RHOBTB1: variants seen among roughly 807,000 people sequenced by gnomAD.
RHOBTB1 encodes rho-related BTB domain-containing protein 1.
A neutral mutation model predicts 71.6 loss-of-function variants in RHOBTB1; 40 were observed. That is an observed-to-expected ratio of 0.56 (90% CI 0.43 to 0.73). RHOBTB1 has a LOEUF of 0.73. Ranked by LOEUF, RHOBTB1 falls within the 30% of genes least tolerant of loss-of-function variation. RHOBTB1 has a pLI of 0.00. For synonymous variants in RHOBTB1, 319 were observed against 334.9 expected (o/e 0.95, Z 0.52); for missense variants, 797 against 894.0 (o/e 0.89, Z 1.38).
chr10:60,998,935 T>C (rs768199658), intron 1 of RHOBTB1, among the ~76,000 whole-genome samples: 1 of 152,254 alleles, frequency 6.6e-6, no homozygotes, highest in Non-Finnish European at 1.5e-5. Context: ...CTGCTCATCC[T>C]TGGGCATGAA....
chr10:60,863,002 A>T, the RHOBTB1 span, among the ~76,000 whole-genome samples: 1 of 152,100 alleles, frequency 6.6e-6, no homozygotes, highest in African/African-American at 2.4e-5. Context: ...TGGTATTTAA[A>T]TACAAGTTTT....
At chr10:60,879,489 C>T (rs1050898547) in intron 7 of RHOBTB1, among the ~76,000 whole-genome samples, 16 of 151,972 alleles carry the variant, frequency 1.1e-4, no homozygotes, top group South Asian at 2.1e-4. Flanking sequence ...AGTGCCACCA[C>T]GCCCGGCTAA....
intron 7 of RHOBTB1, among the ~76,000 whole-genome samples, chr10:60,880,577 C>T (rs1439878605): frequency 6.6e-6 from 1 of 152,106 alleles, no homozygotes. Context: ...TAAGTCATTA[C>T]CATAAACGAT....
At chr10:60,949,776 T>C (rs1213409064) in intron 2 of RHOBTB1, among the ~76,000 whole-genome samples, 1 of 151,616 alleles carries the variant, frequency 6.6e-6, no homozygotes, top group African/African-American at 2.4e-5. Flanking sequence ...GATTACCCAT[T>C]TAAAGACAGA....
intron 2 of RHOBTB1, among the ~76,000 whole-genome samples, chr10:60,981,910 C>T (rs2086509453): frequency 6.6e-6 from 1 of 152,054 alleles, no homozygotes. Context: ...GCTGGGATTA[C>T]AGGTGTGCAC....
chr10:61,000,357 A>T (rs2087216208), intron 1 of RHOBTB1, among the ~76,000 whole-genome samples: 1 of 152,138 alleles, frequency 6.6e-6, no homozygotes, highest in Non-Finnish European at 1.5e-5. Context: ...GTAATAAAAA[A>T]TATATATTTT....
chr10:60,952,141 A>T (rs958933653), intron 2 of RHOBTB1, among the ~76,000 whole-genome samples: 1 of 151,460 alleles, frequency 6.6e-6, no homozygotes, highest in Non-Finnish European at 1.5e-5. Context: ...AATCACTCAT[A>T]TATAAAGGCC....
chr10:60,891,422 C>G (rs538623322), intron 5 of RHOBTB1, among the ~76,000 whole-genome samples: 1 of 147,380 alleles, frequency 6.8e-6, no homozygotes, highest in Admixed American at 6.9e-5. Flanking sequence ...CCCACTGCAG[C>G]CTTGTCCTCC....
intron 2 of RHOBTB1, among the ~76,000 whole-genome samples, chr10:60,936,590 C>A (rs1257550366): frequency 1.3e-5 from 2 of 152,272 alleles, no homozygotes; most frequent in Admixed American, 1.3e-4. Flanking sequence ...GCATGAATTT[C>A]AGCGTAAGAT....
intron 2 of RHOBTB1, among the ~76,000 whole-genome samples, chr10:60,926,236 A>AAAATAAAT: frequency 6.6e-6 from 1 of 152,238 alleles, no homozygotes; most frequent in East Asian, 1.9e-4. Flanking sequence ...CACTCTGTCC[A>AAAATAAAT]AAATAAATAA....
At chr10:60,921,967 G>A (rs1289684163) in intron 2 of RHOBTB1, among the ~76,000 whole-genome samples, 1 of 152,206 alleles carries the variant, frequency 6.6e-6, no homozygotes, top group South Asian at 2.1e-4. Flanking sequence ...GAAGGTGGTG[G>A]TGGGGAGGAG....
At chr10:60,916,784 T>G (rs780574521) in intron 2 of RHOBTB1, among the ~76,000 whole-genome samples, 2 of 152,202 alleles carry the variant, frequency 1.3e-5, no homozygotes, top group Non-Finnish European at 2.9e-5. Flanking sequence ...GGGTTGCAGA[T>G]GGAATTAAGG....
At chr10:60,879,067 C>A (rs1029887442) in intron 7 of RHOBTB1, among the ~76,000 whole-genome samples, 6 of 152,158 alleles carry the variant, frequency 3.9e-5, no homozygotes, top group Non-Finnish European at 1.5e-5. Context: ...AGAGAAGGGA[C>A]TTACTTTTGC....
At position 60,905,765 on chromosome 10, in the gene RHOBTB1, G is replaced by T. The variant is rs144102748; in HGVS notation, c.296+5122C>A. 2.6e-3 allele frequency among the ~76,000 whole-genome samples: 395 copies of T among 152,154 alleles called. 2 individuals are homozygous for T. The highest frequency in any genetic ancestry group is 0.01 in the Middle Eastern group (3 of 294). On this transcript the variant is annotated intron_variant, in intron 4 of 10. Transcript: ENST00000337910. ...ACATCATCATTACAATGTTATTTCTGGCCCAGGCTTTAGAATGTGCTATGA... is the reference window on the plus strand; with the variant it reads ...ACATCATCATTACAATGTTATTTCTTGCCCAGGCTTTAGAATGTGCTATGA...
chr10:60,866,293 C>G (rs1306033468), downstream of RHOBTB1, among the ~76,000 whole-genome samples: 1 of 152,168 alleles, frequency 6.6e-6, no homozygotes, highest in Non-Finnish European at 1.5e-5. Flanking sequence ...GAGCCATGGA[C>G]TAGATGCACA....
intron 1 of RHOBTB1, among the ~76,000 whole-genome samples, chr10:60,943,492 C>T (rs1379688583): frequency 6.8e-6 from 1 of 146,612 alleles, no homozygotes; most frequent in African/African-American, 2.5e-5. Context: ...CACGGGGTTG[C>T]GGGGGAGGGG....
intron 2 of RHOBTB1, among the ~76,000 whole-genome samples, chr10:60,962,342 C>G (rs1231659380): frequency 6.6e-6 from 1 of 152,064 alleles, no homozygotes; most frequent in Non-Finnish European, 1.5e-5. Context: ...GATAATATAT[C>G]AAAATATGCC....
intron 5 of RHOBTB1, among the ~76,000 whole-genome samples, chr10:60,889,724 T>C (rs1011012732): frequency 1.3e-5 from 2 of 152,166 alleles, no homozygotes; most frequent in Non-Finnish European, 2.9e-5. Flanking sequence ...TAATCTTGGG[T>C]AAGTTACTTA....
intron 1 of RHOBTB1, among the ~76,000 whole-genome samples, chr10:60,994,555 A>G (rs758022832): frequency 2.0e-5 from 3 of 152,190 alleles, no homozygotes; most frequent in Non-Finnish European, 4.4e-5. Context: ...CAGTCTTGAA[A>G]TATCTGCATG....
Sources: gnomAD v4.1 joint callset for allele counts (sites outside exome capture counted in the v4.1 genomes callset) on GRCh38, gnomAD v4.1.1 for gene constraint, MANE v1.5 for transcripts, NCBI Gene and HGNC (gene_info 2026-07-23, HGNC 2026-07-21) for gene names.